ZSCAN25: variants seen among roughly 807,000 people sequenced by gnomAD.
The protein encoded by ZSCAN25 is zinc finger and SCAN domain-containing protein 25.
A neutral mutation model predicts 38.7 loss-of-function variants in ZSCAN25; 27 were observed. The observed-to-expected ratio is 0.70, with a 90% confidence interval of 0.51 to 0.96. The LOEUF is 0.96. ZSCAN25 is among the 40% of genes least tolerant of loss of function. The pLI is 0.00. For missense variants in ZSCAN25, 637 were observed against 705.9 expected, an observed-to-expected ratio of 0.90 and a Z score of 1.11; for synonymous variants, 273 against 277.7, an observed-to-expected ratio of 0.98 and a Z score of 0.17.
the ZSCAN25 span, chr7:99,735,331 C>T: frequency 1.8e-6 from 1 of 551,180 alleles, no homozygotes; most frequent in East Asian, 3.2e-5. Flanking sequence ...CAAATAATCA[C>T]ACACACACCA....
chr7:99,638,738 C>T, the ZSCAN25 span: 47 of 1,226,088 alleles, frequency 3.8e-5, no homozygotes, highest in Middle Eastern at 1.9e-4. Context: ...TCCTTGTTCC[C>T]GAAGATTTTG....
the ZSCAN25 span, among the ~76,000 whole-genome samples, chr7:99,675,303 C>T: frequency 6.6e-6 from 1 of 152,158 alleles, no homozygotes; most frequent in Middle Eastern, 3.2e-3. Flanking sequence ...GATGTTTTAA[C>T]CATGCAAAAG....
chr7:99,666,706 T>G, the ZSCAN25 span: 1 of 1,614,002 alleles, frequency 6.2e-7, no homozygotes, highest in Non-Finnish European at 8.5e-7. Flanking sequence ...ACAAAACAGA[T>G]CAGTACCTGT....
the ZSCAN25 span, chr7:99,717,781 C>T: frequency 9.0e-7 from 1 of 1,106,174 alleles, no homozygotes; most frequent in East Asian, 2.6e-5. Flanking sequence ...GACAGATGCT[C>T]AATAGGATTT....
the ZSCAN25 span, among the ~76,000 whole-genome samples, chr7:99,681,275 T>C: frequency 6.6e-6 from 1 of 152,274 alleles, no homozygotes; most frequent in Non-Finnish European, 1.5e-5. Flanking sequence ...ATTGGAGTGA[T>C]GTTATCTCTT....
the ZSCAN25 span, chr7:99,705,354 T>C: frequency 4.5e-6 from 4 of 881,918 alleles, no homozygotes; most frequent in Non-Finnish European, 7.2e-6. Flanking sequence ...GAGAGCACAA[T>C]GCACGTACAG....
chr7:99,705,719 A>G, the ZSCAN25 span: 2 of 1,211,350 alleles, frequency 1.7e-6, no homozygotes, highest in Non-Finnish European at 2.3e-6. Context: ...TACTTTCAGC[A>G]CTATAAATCT....
chr7:99,687,354 A>C, the ZSCAN25 span, among the ~76,000 whole-genome samples: 1 of 152,208 alleles, frequency 6.6e-6, no homozygotes, highest in African/African-American at 2.4e-5. Context: ...AAGGCCAAGG[A>C]TTGAGAACTA....
rs1283936073 is a variant in ZSCAN25 at position 99,621,502 on chromosome 7, G to T, written c.517G>T (p.Gly173Cys). 6.3e-7 allele frequency: 1 copy of T among 1,575,918 alleles called. No homozygotes were observed. The highest frequency in any genetic ancestry group is 8.6e-7 in the Non-Finnish European group (1 of 1,156,106). Residue 173 changes from glycine (G) to cysteine (C), a missense_variant, in exon 5 of 8, where the codon GGT (glycine) becomes TGT (cysteine). By Grantham distance (159) the Gly-to-Cys change is radical. Coordinates refer to ENST00000394152, the MANE Select transcript of ZSCAN25 (RefSeq NM_145115.3). ...WGMPPGEGVQ[G>C]PDPGTEEQLS... ...GATGCCCCCTGGGGAAGGAGTTCAA[G>T]GTCCAGACCCAGGTACCGAGGAGCA...
the ZSCAN25 span, chr7:99,680,086 C>G: frequency 1.4e-5 from 8 of 589,132 alleles, no homozygotes; most frequent in East Asian, 2.3e-4. Context: ...GCACACACCC[C>G]TTTGCTGACC....
At chr7:99,632,851 T>C (rs1808096868), downstream of ZSCAN25, among the ~76,000 whole-genome samples, 1 of 152,204 alleles carries the variant, frequency 6.6e-6, no homozygotes. Context: ...ACCTAATTTT[T>C]CAATATAATA....
the ZSCAN25 span, chr7:99,730,491 G>T: frequency 6.4e-6 from 1 of 155,618 alleles, no homozygotes; most frequent in Non-Finnish European, 1.4e-5. Flanking sequence ...TAAGACCTGG[G>T]TTAAAGCCAT....
chr7:99,698,520 T>C, the ZSCAN25 span, among the ~76,000 whole-genome samples: 2 of 152,192 alleles, frequency 1.3e-5, no homozygotes, highest in Non-Finnish European at 2.9e-5. Flanking sequence ...CAGTTTAAGA[T>C]AACCTGCTAA....
chr7:99,736,546 C>A, the ZSCAN25 span, among the ~76,000 whole-genome samples: 1 of 152,164 alleles, frequency 6.6e-6, no homozygotes, highest in African/African-American at 2.4e-5. Flanking sequence ...AGCTCATTAT[C>A]ATCACTCACA....
chr7:99,650,425 A>G, the ZSCAN25 span, among the ~76,000 whole-genome samples: 1 of 152,166 alleles, frequency 6.6e-6, no homozygotes, highest in Non-Finnish European at 1.5e-5. Flanking sequence ...GGTCCTTTAA[A>G]TTCTCCATAC....
the ZSCAN25 span, among the ~76,000 whole-genome samples, chr7:99,731,610 A>C: frequency 6.6e-6 from 1 of 152,210 alleles, no homozygotes; most frequent in Non-Finnish European, 1.5e-5. Flanking sequence ...ACTCAGTCAC[A>C]GGGGGTCACT....
chr7:99,620,101 C>A, intron 4 of ZSCAN25, 108 bp downstream of exon 4: 2 of 1,408,610 alleles, frequency 1.4e-6, no homozygotes, highest in Non-Finnish European at 1.9e-6. Flanking sequence ...TGGAGCCGCC[C>A]TCCTCTGCCC....
the ZSCAN25 span, among the ~76,000 whole-genome samples, chr7:99,722,846 C>T: frequency 0.76 from 115,902 of 152,060 alleles, 47,137 homozygotes; most frequent in Non-Finnish European, 0.91. Flanking sequence ...CCTCTTTTAG[C>T]CTAGCAGATT....
At chr7:99,697,617 T>C in the ZSCAN25 span, among the ~76,000 whole-genome samples, 3 of 152,202 alleles carry the variant, frequency 2.0e-5, no homozygotes, top group Admixed American at 6.5e-5. Context: ...ATGAAGACCT[T>C]GTTTTCTCTT....
Sources: allele counts gnomAD v4.1 joint callset (sites outside exome capture counted in the v4.1 genomes callset), GRCh38; gene constraint gnomAD v4.1.1; transcripts MANE v1.5; gene names NCBI Gene and HGNC (gene_info 2026-07-23, HGNC 2026-07-21).